Variants in CRACR2A observed in about 807,000 individuals in gnomAD.
The protein encoded by CRACR2A is EF-hand calcium-binding domain-containing protein 4B.
CRACR2A carries 79 observed loss-of-function variants against 90.5 expected under a neutral mutation model. The ratio of observed to expected loss-of-function variants is 0.87; its 90% CI spans 0.73 to 1.05. CRACR2A has a LOEUF of 1.05. Ranked by LOEUF, CRACR2A falls within the 50% of genes least tolerant of loss-of-function variation. The probability of loss-of-function intolerance (pLI) is 0.00; values close to 1 mark genes in which losing one functional copy is unlikely to be tolerated. For synonymous variants in CRACR2A, 338 were observed against 356.7 expected (o/e 0.95, Z 0.59); for missense variants, 823 against 897.2 (o/e 0.92, Z 1.06).
intron 7 of CRACR2A, among the ~76,000 whole-genome samples, chr12:3,663,539 T>C (rs543502278): frequency 6.6e-6 from 1 of 152,356 alleles, no homozygotes; most frequent in Admixed American, 6.5e-5. Context: ...AGGAGTTGCC[T>C]TGGGTTCCGG....
intron 11 of CRACR2A, among the ~76,000 whole-genome samples, chr12:3,645,820 G>A (rs1175883272): frequency 6.6e-6 from 1 of 152,202 alleles, no homozygotes; most frequent in Non-Finnish European, 1.5e-5. Context: ...CAAGTAGCTG[G>A]GTGGGGAAGT....
At chr12:3,697,414 T>C (rs1029610106) in intron 3 of CRACR2A, among the ~76,000 whole-genome samples, 1 of 152,226 alleles carries the variant, frequency 6.6e-6, no homozygotes, top group Non-Finnish European at 1.5e-5. Context: ...ATGGCCTCTA[T>C]ATACATTTTT....
rs377048738 is a variant in CRACR2A, at chr12:3,679,124, C to T, written c.341-26G>A. The T allele has an allele frequency of 3.0e-5, 48 of 1,588,518 alleles. No individual in the cohort carries two copies. The East Asian group carries it at 5.7e-4, about 19-fold the overall frequency. On this transcript the variant is annotated intron_variant, in intron 5 of 19. Coordinates refer to ENST00000440314, the MANE Select transcript of CRACR2A (RefSeq NM_001144958.2). The stretch of plus-strand genomic sequence containing the variant: ...CTGGGGGGTGCAGGGCACAAGGATC[C>T]GAATTAGACCATACCCATCCAGGAA...
chr12:3,701,205 T>C (rs1945829443), intron 3 of CRACR2A, among the ~76,000 whole-genome samples: 1 of 151,722 alleles, frequency 6.6e-6, no homozygotes. Flanking sequence ...GGGATACTGC[T>C]AAAGCAGTAC....
At chr12:3,685,608 C>G (rs954970800) in intron 4 of CRACR2A, among the ~76,000 whole-genome samples, 1 of 152,178 alleles carries the variant, frequency 6.6e-6, no homozygotes, top group African/African-American at 2.4e-5. Flanking sequence ...GGACATTATA[C>G]TAAGTGAAAT....
intron 4 of CRACR2A, among the ~76,000 whole-genome samples, chr12:3,683,682 T>C (rs1945497964): frequency 6.6e-6 from 1 of 152,252 alleles, no homozygotes; most frequent in South Asian, 2.1e-4. Flanking sequence ...GACTCATTGA[T>C]GAACGTCTGC....
chr12:3,684,020 C>T (rs1244813834), intron 4 of CRACR2A, among the ~76,000 whole-genome samples: 1 of 152,194 alleles, frequency 6.6e-6, no homozygotes, highest in Admixed American at 6.5e-5. Flanking sequence ...AAAGTGATGT[C>T]TTTTGTTGCA....
intron 4 of CRACR2A, among the ~76,000 whole-genome samples, chr12:3,695,316 G>A (rs1239071582): frequency 6.6e-6 from 1 of 152,196 alleles, no homozygotes; most frequent in African/African-American, 2.4e-5. Flanking sequence ...AAAACACACT[G>A]AATCTGGCCT....
chr12:3,702,952 A>C (rs1324969069), intron 3 of CRACR2A, among the ~76,000 whole-genome samples: 1 of 152,256 alleles, frequency 6.6e-6, no homozygotes, highest in Non-Finnish European at 1.5e-5. Context: ...GATAAATGGA[A>C]CAGAATATAG....
At chr12:3,655,617 G>A (rs1246223350) in intron 9 of CRACR2A, among the ~76,000 whole-genome samples, 1 of 152,230 alleles carries the variant, frequency 6.6e-6, no homozygotes, top group Non-Finnish European at 1.5e-5. Flanking sequence ...AGCAGTGGAG[G>A]CCACTAAGTA....
chr12:3,638,980 C>CT (rs1419626397), intron 13 of CRACR2A, among the ~76,000 whole-genome samples: 26 of 152,190 alleles, frequency 1.7e-4, no homozygotes, highest in African/African-American at 6.3e-4. Flanking sequence ...CTCTTCAGAC[C>CT]TTGCTGTAAA....
chr12:3,719,352 T>C (rs1475372414), intron 2 of CRACR2A, among the ~76,000 whole-genome samples: 1 of 152,226 alleles, frequency 6.6e-6, no homozygotes, highest in Non-Finnish European at 1.5e-5. Context: ...GCTCCTCTTG[T>C]CCTCCTCCAT....
chr12:3,634,320 C>T (rs957146256), intron 14 of CRACR2A, among the ~76,000 whole-genome samples: 7 of 152,202 alleles, frequency 4.6e-5, no homozygotes, highest in Non-Finnish European at 8.8e-5. Context: ...TCCATCTTAT[C>T]GGTTCCCATC....
intron 3 of CRACR2A, among the ~76,000 whole-genome samples, chr12:3,702,393 T>C (rs756162290): frequency 2.6e-5 from 4 of 152,086 alleles, no homozygotes. Flanking sequence ...GGAGTGCTTA[T>C]ATAAAAAAAA....
intron 17 of CRACR2A, among the ~76,000 whole-genome samples, chr12:3,623,006 G>A (rs943211715): frequency 6.6e-6 from 1 of 152,196 alleles, no homozygotes; most frequent in African/African-American, 2.4e-5. Flanking sequence ...GGAAGGGAGA[G>A]GGAAGTGGGC....
At chr12:3,628,476 T>A (rs1174511927) in intron 15 of CRACR2A, among the ~76,000 whole-genome samples, 1 of 152,072 alleles carries the variant, frequency 6.6e-6, no homozygotes, top group Non-Finnish European at 1.5e-5. Context: ...GAGCTCCTAA[T>A]CCTACCACTG....
intron 15 of CRACR2A, among the ~76,000 whole-genome samples, chr12:3,629,976 C>A (rs1944350662): frequency 6.6e-6 from 1 of 152,108 alleles, no homozygotes; most frequent in Non-Finnish European, 1.5e-5. Flanking sequence ...AGACTACCAC[C>A]AGTTCTGAAA....
At chr12:3,680,798 A>T (rs1018584673) in intron 4 of CRACR2A, among the ~76,000 whole-genome samples, 7 of 152,244 alleles carry the variant, frequency 4.6e-5, no homozygotes, top group African/African-American at 1.7e-4. Flanking sequence ...TAAAGGACTC[A>T]AACTGTACAG....
At chr12:3,676,401 T>C (rs1360217917) in intron 6 of CRACR2A, among the ~76,000 whole-genome samples, 5 of 152,208 alleles carry the variant, frequency 3.3e-5, no homozygotes, top group Admixed American at 1.3e-4. Flanking sequence ...ATCCCTGTTA[T>C]AGGTTGTTCC....
Sources: gnomAD v4.1 joint callset for allele counts (sites outside exome capture counted in the v4.1 genomes callset) on GRCh38, gnomAD v4.1.1 for gene constraint, MANE v1.5 for transcripts, NCBI Gene and HGNC (gene_info 2026-07-23, HGNC 2026-07-21) for gene names.